TIMP3: variants seen among roughly 807,000 people sequenced by gnomAD.
TIMP3 encodes metalloproteinase inhibitor 3.
In TIMP3, 11 loss-of-function variants were observed where a neutral mutation model predicts 30.0. That is an observed-to-expected ratio of 0.37 (90% CI 0.23 to 0.61). TIMP3 has a LOEUF of 0.61. TIMP3 is among the 20% of genes least tolerant of loss of function. The probability of loss-of-function intolerance (pLI) is 0.70; values close to 1 mark genes in which losing one functional copy is unlikely to be tolerated. For missense variants in TIMP3, 181 were observed against 276.8 expected, an observed-to-expected ratio of 0.65 and a Z score of 2.45; for synonymous variants, 112 against 111.3, an observed-to-expected ratio of 1.01 and a Z score of -0.04.
In TIMP3 at chr22:32,860,384, C is replaced by T. The variant is rs1276816177; in HGVS notation, c.*1007C>T. 6.6e-6 allele frequency: 1 copy of T among 152,648 alleles called. No individual in the cohort carries two copies. Among genetic ancestry groups the T allele is most frequent in the African/African-American group, 2.4e-5 (1 of 41,456 alleles). The allele number at this position is 152,648 out of a possible 1,614,324, so 9.5% of individuals were successfully genotyped here. The stretch of plus-strand genomic sequence containing the variant: ...ACCTAGGGGGATATGTTTGTATACA[C>T]ATTTGCATATACCCACATGGGGACA... On this transcript the variant is annotated 3_prime_UTR_variant, in exon 5 of 5. Coordinates refer to ENST00000266085, the MANE Select transcript of TIMP3 (RefSeq NM_000362.5).
intron 1 of TIMP3, among the ~76,000 whole-genome samples, chr22:32,803,510 T>C (rs368872031): frequency 2.5e-4 from 38 of 152,276 alleles, no homozygotes; most frequent in Middle Eastern, 6.8e-3. Flanking sequence ...CCCTGGGGCC[T>C]GCATGGTACA....
intron 3 of TIMP3, among the ~76,000 whole-genome samples, chr22:32,857,653 C>T (rs140061697): frequency 5.3e-5 from 8 of 152,294 alleles, no homozygotes; most frequent in Middle Eastern, 3.4e-3. Context: ...ACCTCACACT[C>T]GACCTGTTAG....
intron 1 of TIMP3, among the ~76,000 whole-genome samples, chr22:32,811,996 G>A (rs1192560459): frequency 6.6e-6 from 1 of 152,194 alleles, no homozygotes; most frequent in Non-Finnish European, 1.5e-5. Context: ...GGTGCAGTGT[G>A]GCATGGAGGA....
intron 1 of TIMP3, among the ~76,000 whole-genome samples, chr22:32,844,088 G>A (rs1032663141): frequency 9.9e-5 from 15 of 152,214 alleles, no homozygotes; most frequent in Admixed American, 4.6e-4. Flanking sequence ...AGGAGTCCTT[G>A]ATCCCCAGAC....
At chr22:32,841,125 G>T (rs8136803) in intron 1 of TIMP3, among the ~76,000 whole-genome samples, 14,443 of 152,246 alleles carry the variant, frequency 0.095, 746 homozygotes, top group African/African-American at 0.14. Context: ...GAAATCACAC[G>T]TAGCTTCCCA....
At chr22:32,845,602 GAC>G (rs1260484059) in intron 1 of TIMP3, among the ~76,000 whole-genome samples, 4 of 152,172 alleles carry the variant, frequency 2.6e-5, no homozygotes. Flanking sequence ...CAATGTTCCA[GAC>G]ACCAACCTAG....
intron 1 of TIMP3, among the ~76,000 whole-genome samples, chr22:32,820,275 T>C (rs964365337): frequency 2.0e-5 from 3 of 150,696 alleles, no homozygotes; most frequent in Non-Finnish European, 3.0e-5. Context: ...TGCGCGTGTG[T>C]GTGTGTGTGT....
chr22:32,815,118 G>A (rs2146022556), intron 1 of TIMP3, among the ~76,000 whole-genome samples: 1 of 152,344 alleles, frequency 6.6e-6, no homozygotes, highest in East Asian at 1.9e-4. Context: ...TACAGCACAG[G>A]TCAAGATAAC....
intron 1 of TIMP3, among the ~76,000 whole-genome samples, chr22:32,802,377 G>A (rs1300334412): frequency 6.6e-6 from 1 of 152,156 alleles, no homozygotes; most frequent in Non-Finnish European, 1.5e-5. Context: ...TAGGTCGTGA[G>A]GTTCCTACCG....
intron 3 of TIMP3, 59 bp from the exon 4 acceptor site, chr22:32,857,958 T>C (rs2048418533): frequency 1.2e-6 from 2 of 1,613,508 alleles, no homozygotes; most frequent in East Asian, 2.2e-5. Context: ...GTGTGAATTC[T>C]CTCTGGGCTA....
rs951770550 is a variant in TIMP3, at chr22:32,861,254, A to C, written c.*1877A>C. ...GTGCCCAGGCAAGGTGCTTGGCAGA[A>C]CCGCAGAGTGGGAAGAGAGTACCGG... On this transcript the variant is annotated 3_prime_UTR_variant, in exon 5 of 5. Transcript: ENST00000266085. The C allele has an allele frequency of 6.6e-6, 1 of 152,046 alleles. No individual in the cohort carries two copies. Among genetic ancestry groups the C allele is most frequent in the Admixed American group, 6.6e-5 (1 of 15,240 alleles). 9.4% of individuals were successfully genotyped at this position (152,046 alleles called of 1,614,324 possible). A position where few individuals can be genotyped will look rare whatever the true frequency, so the allele number is the denominator to read the frequency against.
rs1307504329 is a variant in TIMP3 at position 32,802,028 on chromosome 22, G to C, written c.27G>C (p.Val9=). ...TGACCCCTTGGCTCGGGCTCATCGTGCTCCTGGGCAGCTGGAGCCTGGGGG... is the reference window on the plus strand; with the variant it reads ...TGACCCCTTGGCTCGGGCTCATCGTCCTCCTGGGCAGCTGGAGCCTGGGGG... The part of the protein sequence containing the change: MTPWLGLI[V]LLGSWSLGDW... Residue 9 remains valine, a synonymous_variant, in exon 1 of 5, where the codon GTG becomes GTC. Coordinates refer to ENST00000266085, the MANE Select transcript of TIMP3 (RefSeq NM_000362.5). The C allele has an allele frequency of 1.3e-6, 2 of 1,576,712 alleles. No individual in the cohort carries two copies. The highest frequency in any genetic ancestry group is 2.7e-5 in the African/African-American group (2 of 74,442).
At chr22:32,849,591 T>C in intron 2 of TIMP3, 57 bp downstream of exon 2, 1 of 1,530,784 alleles carries the variant, frequency 6.5e-7, no homozygotes, top group African/African-American at 1.4e-5. Flanking sequence ...GCCAGAAGAG[T>C]CCTGGCTAAG....
At chr22:32,831,113 T>C (rs948583119) in intron 1 of TIMP3, among the ~76,000 whole-genome samples, 1 of 152,026 alleles carries the variant, frequency 6.6e-6, no homozygotes. Context: ...TGGGCTGAGG[T>C]TGAAGTTGAG....
intron 1 of TIMP3, among the ~76,000 whole-genome samples, chr22:32,848,503 T>C (rs2048131408): frequency 6.6e-6 from 1 of 152,174 alleles, no homozygotes; most frequent in Non-Finnish European, 1.5e-5. Flanking sequence ...ATAAGTGAAA[T>C]GTACATGGCA....
intron 1 of TIMP3, among the ~76,000 whole-genome samples, chr22:32,812,137 T>C (rs188109099): frequency 6.6e-6 from 1 of 152,300 alleles, no homozygotes; most frequent in Admixed American, 6.5e-5. Flanking sequence ...ATTGGCTCTA[T>C]GTGGTGTGTA....
chr22:32,820,393 G>C (rs1037051697), intron 1 of TIMP3, among the ~76,000 whole-genome samples: 3 of 150,740 alleles, frequency 2.0e-5, no homozygotes, highest in African/African-American at 7.3e-5. Context: ...GTTCTACTCC[G>C]TGTGTGTGTC....
chr22:32,811,080 G>T (rs73158316), intron 1 of TIMP3, among the ~76,000 whole-genome samples: 72 of 152,254 alleles, frequency 4.7e-4, no homozygotes, highest in Non-Finnish European at 8.8e-4. Context: ...GAAAAGGCTG[G>T]GAACCACTGA....
chr22:32,818,726 T>C (rs1343698610), intron 1 of TIMP3, among the ~76,000 whole-genome samples: 1 of 152,126 alleles, frequency 6.6e-6, no homozygotes, highest in Non-Finnish European at 1.5e-5. Flanking sequence ...CTGATGTCAC[T>C]GTGGCCGGCC....
Sources: gnomAD v4.1 joint callset for allele counts (sites outside exome capture counted in the v4.1 genomes callset) on GRCh38, gnomAD v4.1.1 for gene constraint, MANE v1.5 for transcripts, NCBI Gene and HGNC (gene_info 2026-07-23, HGNC 2026-07-21) for gene names.